The following AFF3 variants were observed in gnomAD, a reference collection of about 807,000 sequenced individuals.
The protein encoded by AFF3 is ALF transcription elongation factor 3.
A neutral mutation model predicts 129.7 loss-of-function variants in AFF3; 32 were observed. The ratio of observed to expected loss-of-function variants is 0.25; its 90% CI spans 0.19 to 0.33. The LOEUF (loss-of-function observed/expected upper bound fraction) is 0.33, where lower values mean the gene tolerates loss of function less well. Among genes scored for constraint, AFF3 ranks in the 10% least tolerant of loss-of-function variants. AFF3 has a pLI of 1.00. For synonymous variants in AFF3, 644 were observed against 635.4 expected (o/e 1.01, Z -0.20); for missense variants, 1,373 against 1,592.0 (o/e 0.86, Z 2.34).
intron 13 of AFF3, among the ~76,000 whole-genome samples, chr2:99,644,647 G>T (rs1684531538): frequency 6.6e-6 from 1 of 152,196 alleles, no homozygotes; most frequent in African/African-American, 2.4e-5. Flanking sequence ...TTGACCTCCA[G>T]CTTCTCTGCA....
chr2:99,598,390 G>A (rs1049021822), intron 14 of AFF3, among the ~76,000 whole-genome samples: 2 of 152,202 alleles, frequency 1.3e-5, no homozygotes, highest in Non-Finnish European at 2.9e-5. Flanking sequence ...ATTAGACTCC[G>A]GTGAGAAAAA....
intron 1 of AFF3, among the ~76,000 whole-genome samples, chr2:100,132,672 A>G (rs920128441): frequency 1.2e-4 from 19 of 152,214 alleles, no homozygotes; most frequent in Admixed American, 2.0e-4. Context: ...GCTGTCCACT[A>G]TGGTAACCAC....
At chr2:100,093,554 T>C (rs542718941) in intron 4 of AFF3, among the ~76,000 whole-genome samples, 1 of 152,356 alleles carries the variant, frequency 6.6e-6, no homozygotes, top group East Asian at 1.9e-4. Context: ...TCCATTCATA[T>C]TCAAAGATTA....
At chr2:99,862,103 C>T (rs1691042417) in intron 7 of AFF3, among the ~76,000 whole-genome samples, 1 of 152,138 alleles carries the variant, frequency 6.6e-6, no homozygotes, top group South Asian at 2.1e-4. Flanking sequence ...CCCACCCTTC[C>T]CCAAGACCTC....
intron 18 of AFF3, chr2:99,572,499 C>T: frequency 2.3e-6 from 1 of 428,388 alleles, no homozygotes; most frequent in Non-Finnish European, 4.7e-6. Context: ...ATGCCGCCCT[C>T]AGTAGAGCCA....
intron 5 of AFF3, among the ~76,000 whole-genome samples, chr2:100,008,527 A>G (rs1682191676): frequency 2.0e-5 from 3 of 152,154 alleles, no homozygotes; most frequent in Admixed American, 6.5e-5. Context: ...TAATATGTCA[A>G]CGCGGAGATG....
intron 11 of AFF3, among the ~76,000 whole-genome samples, chr2:99,699,715 G>A (rs184116934): frequency 3.8e-4 from 58 of 152,260 alleles, no homozygotes; most frequent in Non-Finnish European, 7.9e-4. Context: ...ACAGGATTAT[G>A]GGCATAGGGC....
At chr2:99,950,707 A>G (rs1294730242) in intron 7 of AFF3, among the ~76,000 whole-genome samples, 1 of 152,244 alleles carries the variant, frequency 6.6e-6, no homozygotes, top group Non-Finnish European at 1.5e-5. Context: ...TTTAGCAAAT[A>G]TTTCATAAAA....
intron 8 of AFF3, among the ~76,000 whole-genome samples, chr2:99,808,997 C>A (rs977783731): frequency 1.3e-5 from 2 of 152,168 alleles, no homozygotes; most frequent in Non-Finnish European, 1.5e-5. Flanking sequence ...GAGTTCGTTC[C>A]CTGGGCAGGA....
At chr2:99,728,876 A>C (rs1018385491) in intron 10 of AFF3, among the ~76,000 whole-genome samples, 1 of 152,204 alleles carries the variant, frequency 6.6e-6, no homozygotes, top group African/African-American at 2.4e-5. Context: ...TGGTGCACTC[A>C]TTTAGGAGGC....
chr2:99,793,502 G>T (rs560269995), intron 8 of AFF3, among the ~76,000 whole-genome samples: 3 of 152,194 alleles, frequency 2.0e-5, no homozygotes, highest in Admixed American at 2.0e-4. Flanking sequence ...GGGTAGATTT[G>T]GTCATTTTTA....
chr2:100,041,309 G>A (rs1028639865), intron 4 of AFF3, among the ~76,000 whole-genome samples: 8 of 152,214 alleles, frequency 5.3e-5, no homozygotes, highest in African/African-American at 1.7e-4. Context: ...CCCAGTGAAT[G>A]CTTGCCTAAA....
At chr2:99,988,683 G>A (rs146853529) in intron 7 of AFF3, among the ~76,000 whole-genome samples, 10 of 152,106 alleles carry the variant, frequency 6.6e-5, no homozygotes, top group African/African-American at 1.9e-4. Flanking sequence ...AAGCGTGGCA[G>A]GAAAGAAATC....
chr2:99,957,487 G>A (rs1184154235), intron 7 of AFF3, among the ~76,000 whole-genome samples: 1 of 152,096 alleles, frequency 6.6e-6, no homozygotes, highest in East Asian at 1.9e-4. Context: ...AACACAGAGG[G>A]AGTCATTGTA....
At chr2:99,939,142 A>G (rs1674794687) in intron 7 of AFF3, among the ~76,000 whole-genome samples, 1 of 152,198 alleles carries the variant, frequency 6.6e-6, no homozygotes, top group Non-Finnish European at 1.5e-5. Flanking sequence ...TTTTATGGCT[A>G]AGAAAGAAAG....
chr2:99,890,100 C>T (rs1693435488), intron 7 of AFF3, among the ~76,000 whole-genome samples: 1 of 152,176 alleles, frequency 6.6e-6, no homozygotes, highest in Admixed American at 6.5e-5. Flanking sequence ...GTGTTCTCCC[C>T]CGAGTGCCCC....
intron 7 of AFF3, among the ~76,000 whole-genome samples, chr2:99,909,287 A>G (rs1218326519): frequency 6.9e-6 from 1 of 145,640 alleles, no homozygotes; most frequent in African/African-American, 2.5e-5. Context: ...AATTGAACAA[A>G]GAGAACACAT....
At chr2:100,137,276 G>T (rs553987686) in intron 1 of AFF3, among the ~76,000 whole-genome samples, 22 of 152,258 alleles carry the variant, frequency 1.4e-4, no homozygotes, top group Middle Eastern at 3.4e-3. Flanking sequence ...GGTGCTCTGG[G>T]AATGACTGTA....
rs144009334 is a variant in AFF3 at position 99,858,978 on chromosome 2, G to A, written c.874-21454C>T. On this transcript the variant is annotated intron_variant, in intron 7 of 24. Transcript: ENST00000672756. ...GTTTGATCTTCAGTAATAGCTGACC[G>A]ATACACCTGCTTTATAAACATGGAA... Among the ~76,000 whole-genome samples, 330 of 152,296 alleles carry A rather than the reference G, an allele frequency of 2.2e-3. 3 individuals carry two copies. The South Asian group carries it at 0.035, about 16-fold the overall frequency.
Sources: allele counts gnomAD v4.1 joint callset (sites outside exome capture counted in the v4.1 genomes callset), GRCh38; gene constraint gnomAD v4.1.1; transcripts MANE v1.5; gene names NCBI Gene and HGNC (gene_info 2026-07-23, HGNC 2026-07-21).